MATN2: variants seen among roughly 807,000 people sequenced by gnomAD.
The protein encoded by MATN2 is matrilin-2.
A neutral mutation model predicts 103.2 loss-of-function variants in MATN2; 69 were observed. The observed-to-expected ratio is 0.67, with a 90% CI of 0.55 to 0.82. The LOEUF (loss-of-function observed/expected upper bound fraction) is 0.82, where lower values mean the gene tolerates loss of function less well. Among genes scored for constraint, MATN2 ranks in the 40% least tolerant of loss-of-function variants. The pLI, the probability that MATN2 is intolerant of heterozygous loss-of-function variation, is 0.00. For synonymous variants in MATN2, 429 were observed against 450.2 expected (o/e 0.95, Z 0.60); for missense variants, 1,023 against 1,211.5 (o/e 0.84, Z 2.31).
intron 2 of MATN2, among the ~76,000 whole-genome samples, chr8:97,920,577 T>G (rs1809777810): frequency 6.6e-6 from 1 of 152,168 alleles, no homozygotes; most frequent in African/African-American, 2.4e-5. Flanking sequence ...ACTAAAATAT[T>G]CATTCATGGG....
intron 5 of MATN2, among the ~76,000 whole-genome samples, chr8:97,963,191 C>T (rs1412287996): frequency 6.6e-6 from 1 of 152,202 alleles, no homozygotes; most frequent in Non-Finnish European, 1.5e-5. Flanking sequence ...AATGAGGTCA[C>T]ACTGTCTATT....
intron 4 of MATN2, among the ~76,000 whole-genome samples, chr8:97,943,810 G>A (rs1810654474): frequency 6.6e-6 from 1 of 152,186 alleles, no homozygotes; most frequent in South Asian, 2.1e-4. Flanking sequence ...GTCCCACTGA[G>A]TGACTGGGAT....
Position 97,971,711 on chromosome 8 carries a change from T to C in MATN2, c.959-7175T>C, listed in dbSNP as rs1226359372. Reference sequence around the variant, plus strand: ...ACTTTGGTCCTGTTTGCATCTTATCTACCCAGGCAGATTGTAAACCCTTGA... The same window carrying C: ...ACTTTGGTCCTGTTTGCATCTTATCCACCCAGGCAGATTGTAAACCCTTGA... On this transcript the variant is annotated intron_variant, in intron 5 of 18. Coordinates refer to ENST00000254898, the MANE Select transcript of MATN2 (RefSeq NM_002380.5). 1.3e-5 allele frequency among the ~76,000 whole-genome samples: 2 copies of C among 152,210 alleles called. 1 individual carries two copies. The highest frequency in any genetic ancestry group is 6.3e-3 in the Middle Eastern group (2 of 316).
At chr8:97,893,487 C>T (rs1294967049) in intron 2 of MATN2, among the ~76,000 whole-genome samples, 1 of 152,174 alleles carries the variant, frequency 6.6e-6, no homozygotes, top group Non-Finnish European at 1.5e-5. Flanking sequence ...GTGGACCTGT[C>T]TCCAGAACAA....
chr8:98,017,861 C>G, intron 11 of MATN2, 133 bp from the exon 12 acceptor site: 1 of 939,918 alleles, frequency 1.1e-6, no homozygotes, highest in Non-Finnish European at 1.6e-6. Context: ...TTGTAACTTC[C>G]TGCCCCATGG....
intron 12 of MATN2, among the ~76,000 whole-genome samples, chr8:98,019,216 C>T (rs935445759): frequency 6.7e-6 from 1 of 149,906 alleles, no homozygotes; most frequent in Non-Finnish European, 1.5e-5. Flanking sequence ...AATGGACATA[C>T]ACACACACAC....
chr8:98,012,452 G>A (rs956705164), intron 10 of MATN2, among the ~76,000 whole-genome samples: 6 of 152,226 alleles, frequency 3.9e-5, no homozygotes, highest in African/African-American at 9.6e-5. Context: ...TGTTTAATCC[G>A]ACACCCAGAG....
intron 4 of MATN2, among the ~76,000 whole-genome samples, chr8:97,949,750 T>A (rs1478008251): frequency 1.3e-5 from 2 of 152,154 alleles, no homozygotes; most frequent in Non-Finnish European, 2.9e-5. Flanking sequence ...TGAAAACAAC[T>A]CACATGTTGA....
At chr8:97,995,698 G>A (rs946672503) in intron 7 of MATN2, among the ~76,000 whole-genome samples, 4 of 152,210 alleles carry the variant, frequency 2.6e-5, no homozygotes, top group African/African-American at 4.8e-5. Flanking sequence ...GAATCCAGAT[G>A]AGTCACATTC....
At chr8:98,025,474 C>A in intron 13 of MATN2, 1 of 224,970 alleles carries the variant, frequency 4.4e-6, no homozygotes, top group Non-Finnish European at 9.0e-6. Flanking sequence ...TCTGGCCCAG[C>A]ACGGTGGCTC....
chr8:97,918,653 G>C (rs1809712854), intron 2 of MATN2, among the ~76,000 whole-genome samples: 1 of 152,208 alleles, frequency 6.6e-6, no homozygotes, highest in Admixed American at 6.5e-5. Context: ...TTTGCACTTA[G>C]GCGACTGTGT....
chr8:97,870,719 T>A (rs995235156), intron 1 of MATN2, among the ~76,000 whole-genome samples: 7 of 152,154 alleles, frequency 4.6e-5, no homozygotes, highest in African/African-American at 1.7e-4. Flanking sequence ...TGTATGCAAC[T>A]GGTAGTTCCA....
chr8:97,906,667 C>G (rs1430841143), intron 2 of MATN2, among the ~76,000 whole-genome samples: 1 of 152,190 alleles, frequency 6.6e-6, no homozygotes, highest in African/African-American at 2.4e-5. Flanking sequence ...AAATCCTTAT[C>G]CAGCCTACAA....
rs1186199433 is a variant in MATN2 at position 97,878,071 on chromosome 8, G to GA, written c.-27+8793dup. ...AGGCATTTGAAAACATTGTTTTATG[G>GA]AAAAAAAAAGTTATGGAACATTTAT... On this transcript the variant is annotated intron_variant, in intron 1 of 18. Coordinates refer to ENST00000254898, the MANE Select transcript of MATN2 (RefSeq NM_002380.5). 6.6e-5 allele frequency among the ~76,000 whole-genome samples: 10 copies of GA among 150,846 alleles called. 1 individual carries two copies. Among genetic ancestry groups the GA allele is most frequent in the South Asian group, 6.3e-4 (3 of 4,772 alleles).
chr8:97,975,945 A>G (rs2130302094), intron 5 of MATN2, among the ~76,000 whole-genome samples: 1 of 152,314 alleles, frequency 6.6e-6, no homozygotes, highest in East Asian at 1.9e-4. Context: ...ATGTGGTGCT[A>G]GCTCAGTCTT....
intron 2 of MATN2, among the ~76,000 whole-genome samples, chr8:97,898,928 T>C (rs1291443958): frequency 6.6e-6 from 1 of 151,532 alleles, no homozygotes; most frequent in Non-Finnish European, 1.5e-5. Context: ...TTTTTTTTCA[T>C]ATTTTTTTGT....
At chr8:97,967,481 G>T (rs1811520443) in intron 5 of MATN2, among the ~76,000 whole-genome samples, 1 of 151,696 alleles carries the variant, frequency 6.6e-6, no homozygotes, top group African/African-American at 2.4e-5. Context: ...CAAGGTACAA[G>T]GTGTTATAGG....
At chr8:98,034,444 T>G (rs2130464871) in intron 18 of MATN2, 1 of 272,640 alleles carries the variant, frequency 3.7e-6, no homozygotes, top group South Asian at 3.6e-5. Context: ...GCCAATGGGC[T>G]TATGTAATAA....
intron 16 of MATN2, 115 bp downstream of exon 16, chr8:98,032,432 G>C: frequency 1.3e-6 from 1 of 753,668 alleles, no homozygotes; most frequent in South Asian, 1.8e-5. Flanking sequence ...GATAATGAAG[G>C]CCTTTTTTCC....
Sources: allele counts gnomAD v4.1 joint callset (sites outside exome capture counted in the v4.1 genomes callset), GRCh38; gene constraint gnomAD v4.1.1; transcripts MANE v1.5; gene names NCBI Gene and HGNC (gene_info 2026-07-23, HGNC 2026-07-21).